USF3: variants seen among roughly 807,000 people sequenced by gnomAD.
The protein encoded by USF3 is basic helix-loop-helix domain-containing protein USF3.
A neutral mutation model predicts 157.5 loss-of-function variants in USF3; 29 were observed. The ratio of observed to expected loss-of-function variants is 0.18; its 90% confidence interval spans 0.14 to 0.25. The LOEUF (loss-of-function observed/expected upper bound fraction) is 0.25. Among genes scored for constraint, USF3 ranks in the 10% least tolerant of loss-of-function variants. USF3 has a pLI of 1.00. For synonymous variants in USF3, 893 were observed against 941.4 expected (o/e 0.95, Z 0.94); for missense variants, 2,381 against 2,667.6 (o/e 0.89, Z 2.37).
chr3:113,668,036 A>C (rs958619122), intron 5 of USF3, among the ~76,000 whole-genome samples: 5 of 152,144 alleles, frequency 3.3e-5, no homozygotes, highest in African/African-American at 1.2e-4. Flanking sequence ...ACTGAGAACC[A>C]CCAGCCTCTA....
chr3:113,651,439 AAGGAGTAATC>A lies in USF3; in HGVS notation c.*3495_*3504del, dbSNP rs1459662034. On this transcript the variant is annotated 3_prime_UTR_variant, in exon 7 of 7. Transcript: ENST00000316407. Reference sequence around the variant, plus strand: ...TGGGCCCAATAAATGTTTCAAGGCAAAGGAGTAATCATCCCGCTAAGGAAAAGACCAGCTT... The same window carrying A: ...TGGGCCCAATAAATGTTTCAAGGCAAATCCCGCTAAGGAAAAGACCAGCTT... 6.6e-6 allele frequency: 1 copy of A among 152,236 alleles called. No individual in the cohort carries two copies. The highest frequency in any genetic ancestry group is 1.5e-5 in the Non-Finnish European group (1 of 68,052). The allele number at this position is 152,236 out of a possible 1,614,324, so 9.4% of individuals were successfully genotyped here.
At position 113,660,148 on chromosome 3, in the gene USF3, G is replaced by C. The variant is rs377114570; in HGVS notation, c.1534C>G (p.Gln512Glu). 1 of 1,614,032 alleles carries C rather than the reference G, an allele frequency of 6.2e-7. No individual in the cohort carries two copies. Among genetic ancestry groups the C allele is most frequent in the Non-Finnish European group, 8.5e-7 (1 of 1,180,032 alleles). The part of the protein sequence containing the change: ...PSLPMQPLIA[Q>E]PQVKSQPPKN... Reference sequence around the variant, plus strand: ...GGAGGCTGAGATTTAACTTGTGGCTGGGCAATTAGTGGCTGCATAGGTAAA... The same window carrying C: ...GGAGGCTGAGATTTAACTTGTGGCTCGGCAATTAGTGGCTGCATAGGTAAA... Residue 512 changes from glutamine (Q) to glutamate (E), a missense_variant, in exon 7 of 7, where the codon CAG (glutamine) becomes GAG (glutamate). By Grantham distance (29) the Gln-to-Glu change is conservative (BLOSUM62 2). This residue lies in a region of USF3 where 1,435 missense variants were observed against 1,550.9 expected (regional missense o/e 0.93). Transcript: ENST00000316407.
rs1947233703 is a variant in USF3 at position 113,650,011 on chromosome 3, C to G, written c.*4933G>C. 1 of 609,366 alleles carries G rather than the reference C, an allele frequency of 1.6e-6. No individual in the cohort carries two copies. The highest frequency in any genetic ancestry group is 2.9e-6 in the Non-Finnish European group (1 of 342,760). 37.7% of individuals were successfully genotyped at this position (609,366 alleles called of 1,614,324 possible). On this transcript the variant is annotated 3_prime_UTR_variant, in exon 7 of 7. Transcript: ENST00000316407. Reference sequence around the variant, plus strand: ...AATTTGCATATAAGTATCATAAAATCATCACTCACAGATTAACTTCACTAG... The same window carrying G: ...AATTTGCATATAAGTATCATAAAATGATCACTCACAGATTAACTTCACTAG...
Position 113,655,581 on chromosome 3 carries a change from C to G in USF3, c.6101G>C (p.Arg2034Thr). 6.2e-7 allele frequency: 1 copy of G among 1,614,204 alleles called. No homozygotes were observed. The highest frequency in any genetic ancestry group is 8.5e-7 in the Non-Finnish European group (1 of 1,180,024). Residue 2034 changes from arginine to threonine, a missense_variant, in exon 7 of 7, where the codon AGA becomes ACA. By Grantham distance (71) the Arg-to-Thr change is moderately conservative (BLOSUM62 -1). Coordinates refer to ENST00000316407, the MANE Select transcript of USF3 (RefSeq NM_001009899.4). ...LGRQQPATEK[R>T]GSIVRFMPDS... ...AGGCATGAAACGAACAATACTTCCT[C>G]TCTTCTCTGTGGCAGGTTGTTGACG... is the stretch of plus-strand genomic sequence containing the variant.
Position 113,658,747 on chromosome 3 carries a change from T to G in USF3, c.2935A>C (p.Ile979Leu). The G allele has an allele frequency of 6.2e-7, 1 of 1,614,120 alleles. No homozygotes were observed. Among genetic ancestry groups the G allele is most frequent in the Non-Finnish European group, 8.5e-7 (1 of 1,180,014 alleles). ...STDCVSEVEI[I>L]AEPCRVEQDS... Reference sequence around the variant, plus strand: ...TGCTCAACTCTGCAAGGTTCAGCAATGATTTCTACCTCAGAAACACAGTCA... The same window carrying G: ...TGCTCAACTCTGCAAGGTTCAGCAAGGATTTCTACCTCAGAAACACAGTCA... The change falls in exon 7 of 7, where the codon ATT becomes CTT. Residue 979 changes from isoleucine to leucine, a missense_variant. Transcript: ENST00000316407.
chr3:113,660,387 G>T lies in USF3; in HGVS notation c.1295C>A (p.Thr432Lys). Residue 432 changes from threonine (T) to lysine (K), a missense_variant, in exon 7 of 7, where the codon ACG becomes AAG. Coordinates refer to ENST00000316407, the MANE Select transcript of USF3 (RefSeq NM_001009899.4). ...RISSAGNTQT[T>K]WTTLQLAGNT... The stretch of plus-strand genomic sequence containing the variant: ...TCCTGCCAGTTGCAAAGTAGTCCAC[G>T]TTGTCTGTGTGTTTCCAGCTGAAGA... 1 of 1,614,124 alleles carries T rather than the reference G, an allele frequency of 6.2e-7. No homozygotes were observed. Among genetic ancestry groups the T allele is most frequent in the Non-Finnish European group, 8.5e-7 (1 of 1,179,970 alleles).
At chr3:113,685,910 CT>C (rs1707536081) in intron 1 of USF3, among the ~76,000 whole-genome samples, 1 of 152,072 alleles carries the variant, frequency 6.6e-6, no homozygotes, top group Non-Finnish European at 1.5e-5. Flanking sequence ...GAAAAAAATC[CT>C]CTTTACTTTT....
rs1377408790 is a variant in USF3 at position 113,651,316 on chromosome 3, C to A, written c.*3628G>T. On this transcript the variant is annotated 3_prime_UTR_variant, in exon 7 of 7. Transcript: ENST00000316407. ...TTTGTTTCAAGAAATTCTTGTTGCT[C>A]TTTAAGAGAATACGAGGCATACTGG... 6.6e-6 allele frequency: 1 copy of A among 152,108 alleles called. No homozygotes were observed. The highest frequency in any genetic ancestry group is 2.4e-5 in the African/African-American group (1 of 41,438). 9.4% of individuals were successfully genotyped at this position (152,108 alleles called of 1,614,324 possible). A position where few individuals can be genotyped will look rare whatever the true frequency, so the allele number is the denominator to read the frequency against.
At chr3:113,676,805 G>A (rs906086419) in intron 2 of USF3, among the ~76,000 whole-genome samples, 1 of 152,152 alleles carries the variant, frequency 6.6e-6, no homozygotes. Flanking sequence ...CCACTTCCTA[G>A]CTGTCAGGTC....
intron 1 of USF3, among the ~76,000 whole-genome samples, chr3:113,678,938 G>A (rs1167674256): frequency 6.6e-6 from 1 of 151,470 alleles, no homozygotes; most frequent in Admixed American, 6.6e-5. Flanking sequence ...GTAGAGATGG[G>A]ATCTCACTAT....
At chr3:113,693,923 C>T (rs1490373536) in intron 1 of USF3, among the ~76,000 whole-genome samples, 3 of 152,182 alleles carry the variant, frequency 2.0e-5, no homozygotes, top group Non-Finnish European at 4.4e-5. Flanking sequence ...ATGAGTGAGG[C>T]CTGATTTAGG....
chr3:113,664,098 T>C (rs1947527561), intron 6 of USF3, among the ~76,000 whole-genome samples: 1 of 152,218 alleles, frequency 6.6e-6, no homozygotes, highest in Admixed American at 6.5e-5. Context: ...GTCAAAACTA[T>C]GTATGCCTAC....
chr3:113,670,857 C>T (rs1455996671), intron 4 of USF3, among the ~76,000 whole-genome samples: 1 of 152,072 alleles, frequency 6.6e-6, no homozygotes, highest in African/African-American at 2.4e-5. Flanking sequence ...TCCCTGGGCT[C>T]AGGCCTCCCG....
chr3:113,650,949 A>C lies in USF3; in HGVS notation c.*3995T>G, dbSNP rs933540548. On this transcript the variant is annotated 3_prime_UTR_variant, in exon 7 of 7. Transcript: ENST00000316407. ...GCAAAAGGTCTTACAATAAAAACAA[A>C]AATAAATTTCCTGAACCGGTATAAA... The C allele has an allele frequency of 1.3e-5, 2 of 152,186 alleles. No individual in the cohort carries two copies. Among genetic ancestry groups the C allele is most frequent in the Non-Finnish European group, 2.9e-5 (2 of 68,040 alleles). The allele number at this position is 152,186 out of a possible 1,614,324, so 9.4% of individuals were successfully genotyped here.
At chr3:113,680,392 A>C (rs1209342646) in intron 1 of USF3, among the ~76,000 whole-genome samples, 1 of 152,078 alleles carries the variant, frequency 6.6e-6, no homozygotes, top group Non-Finnish European at 1.5e-5. Context: ...ATAGTTGCTT[A>C]TAGTAGTCTG....
chr3:113,689,292 T>A (rs560744580), intron 1 of USF3, among the ~76,000 whole-genome samples: 2 of 152,188 alleles, frequency 1.3e-5, no homozygotes, highest in Non-Finnish European at 2.9e-5. Context: ...TACATGATGA[T>A]ACATTTTACC....
At chr3:113,690,026 T>C (rs1315020917) in intron 1 of USF3, among the ~76,000 whole-genome samples, 1 of 152,238 alleles carries the variant, frequency 6.6e-6, no homozygotes, top group African/African-American at 2.4e-5. Flanking sequence ...ACTCTGACTT[T>C]GCCCCTAATC....
intron 4 of USF3, among the ~76,000 whole-genome samples, chr3:113,671,044 CT>C (rs1707143946): frequency 6.6e-6 from 1 of 152,120 alleles, no homozygotes; most frequent in South Asian, 2.1e-4. Context: ...TGCACCAGAC[CT>C]TAAAATTTTA....
chr3:113,676,655 G>T (rs1330828008), intron 2 of USF3, among the ~76,000 whole-genome samples: 1 of 152,168 alleles, frequency 6.6e-6, no homozygotes, highest in East Asian at 1.9e-4. Flanking sequence ...CTTTCAAAAT[G>T]AGTCTACCAA....
Sources: gnomAD v4.1 joint callset for allele counts (sites outside exome capture counted in the v4.1 genomes callset) on GRCh38, gnomAD v4.1.1 for gene constraint, gnomAD v4.1.1 regional missense constraint, MANE v1.5 for transcripts, NCBI Gene and HGNC (gene_info 2026-07-23, HGNC 2026-07-21) for gene names.